FARS2: variants seen among roughly 807,000 people sequenced by gnomAD.
FARS2 encodes the protein phenylalanyl-tRNA synthetase 2, mitochondrial.
FARS2 carries 40 observed loss-of-function variants against 46.4 expected under a neutral mutation model. The observed-to-expected ratio is 0.86, with a 90% confidence interval of 0.67 to 1.12. The LOEUF is 1.12. FARS2 is among the 50% of genes most tolerant of loss of function. The pLI is 0.00. For missense variants in FARS2, 513 were observed against 567.9 expected (o/e 0.90, Z 0.98); for synonymous variants, 234 against 214.9 (o/e 1.09, Z -0.78).
intron 6 of FARS2, among the ~76,000 whole-genome samples, chr6:5,737,347 A>T (rs1761018175): frequency 6.6e-6 from 1 of 152,220 alleles, no homozygotes; most frequent in Non-Finnish European, 1.5e-5. Context: ...CCTGGCCAAC[A>T]TAGTGAAACC....
chr6:5,554,078 AT>A (rs1375132182), intron 5 of FARS2, among the ~76,000 whole-genome samples: 16 of 151,774 alleles, frequency 1.1e-4, no homozygotes, highest in African/African-American at 1.2e-4. Flanking sequence ...TTTGCCCTAA[AT>A]TTTTTTTCCA....
intron 1 of FARS2, among the ~76,000 whole-genome samples, chr6:5,297,860 A>C (rs1168159234): frequency 1.3e-5 from 2 of 152,200 alleles, no homozygotes; most frequent in Non-Finnish European, 2.9e-5. Context: ...TTGCCTTTAA[A>C]TAATTTAAAG....
chr6:5,266,935 C>T (rs73365004), intron 1 of FARS2, among the ~76,000 whole-genome samples: 52 of 152,136 alleles, frequency 3.4e-4, no homozygotes, highest in African/African-American at 1.2e-3. Context: ...TTGGGGGATT[C>T]TCTGAGACTC....
At chr6:5,510,953 C>T (rs539404393) in intron 4 of FARS2, among the ~76,000 whole-genome samples, 2 of 152,190 alleles carry the variant, frequency 1.3e-5, no homozygotes, top group Non-Finnish European at 2.9e-5. Context: ...GAGATCTCCT[C>T]CTCTCCCTCC....
At chr6:5,437,125 A>AT (rs1763570084) in intron 4 of FARS2, among the ~76,000 whole-genome samples, 1 of 151,998 alleles carries the variant, frequency 6.6e-6, no homozygotes, top group South Asian at 2.1e-4. Flanking sequence ...ATTAGTTTGG[A>AT]TTTTCTACTA....
chr6:5,355,686 C>A (rs1244740409), intron 1 of FARS2, among the ~76,000 whole-genome samples: 1 of 151,906 alleles, frequency 6.6e-6, no homozygotes, highest in Non-Finnish European at 1.5e-5. Flanking sequence ...GTTTTCTGAG[C>A]AGTGGTCATA....
chr6:5,685,642 T>C (rs532450329), intron 6 of FARS2, among the ~76,000 whole-genome samples: 2 of 152,254 alleles, frequency 1.3e-5, no homozygotes, highest in African/African-American at 4.8e-5. Flanking sequence ...AAATTCTACC[T>C]GGAGTAGATA....
chr6:5,640,222 A>C (rs1463713737), intron 6 of FARS2, among the ~76,000 whole-genome samples: 1 of 152,098 alleles, frequency 6.6e-6, no homozygotes, highest in Non-Finnish European at 1.5e-5. Flanking sequence ...GTACTTGCAC[A>C]TGCCATTGAG....
chr6:5,253,130 A>G, the FARS2 span, among the ~76,000 whole-genome samples: 2 of 152,242 alleles, frequency 1.3e-5, no homozygotes, highest in Admixed American at 6.5e-5. Flanking sequence ...TGCTTAGTGT[A>G]TAACACATTA....
chr6:5,298,973 ATTTTG>A (rs1768092707), intron 1 of FARS2, among the ~76,000 whole-genome samples: 2 of 151,186 alleles, frequency 1.3e-5, no homozygotes, highest in Non-Finnish European at 2.9e-5. Flanking sequence ...AATTTCTTCT[ATTTTG>A]TTAATTTGTG....
intron 5 of FARS2, among the ~76,000 whole-genome samples, chr6:5,570,422 C>A (rs1411555958): frequency 1.3e-5 from 2 of 152,206 alleles, no homozygotes; most frequent in African/African-American, 2.4e-5. Flanking sequence ...CTCTTTATTT[C>A]ACTCTTCTGG....
intron 1 of FARS2, among the ~76,000 whole-genome samples, chr6:5,356,903 A>G (rs1332722983): frequency 6.6e-6 from 1 of 151,724 alleles, no homozygotes; most frequent in Non-Finnish European, 1.5e-5. Flanking sequence ...AATCCTTACA[A>G]CAGACCTACA....
At chr6:5,312,649 G>A (rs1212278546) in intron 1 of FARS2, among the ~76,000 whole-genome samples, 2 of 152,160 alleles carry the variant, frequency 1.3e-5, no homozygotes, top group African/African-American at 2.4e-5. Flanking sequence ...TCTGTTCTGG[G>A]CTCTTGTTCC....
intron 2 of FARS2, among the ~76,000 whole-genome samples, chr6:5,392,917 TATATATAC>T (rs70974199): frequency 0.24 from 23,211 of 95,582 alleles, 2,659 homozygotes; most frequent in East Asian, 0.51. Context: ...TATATATATG[TATATATAC>T]ATATATGTGT....
At chr6:5,307,801 G>A (rs553184734) in intron 1 of FARS2, among the ~76,000 whole-genome samples, 3 of 152,218 alleles carry the variant, frequency 2.0e-5, no homozygotes, top group South Asian at 2.1e-4. Flanking sequence ...CCAGCATCTC[G>A]GTGGGGCACA....
intron 1 of FARS2, among the ~76,000 whole-genome samples, chr6:5,324,857 G>C (rs1422695596): frequency 6.6e-6 from 1 of 151,954 alleles, no homozygotes. Flanking sequence ...TCACATGGCT[G>C]TCCACCAAGA....
At chr6:5,284,248 T>C (rs929040767) in intron 1 of FARS2, among the ~76,000 whole-genome samples, 5 of 152,322 alleles carry the variant, frequency 3.3e-5, no homozygotes, top group African/African-American at 7.2e-5. Flanking sequence ...GTTGGACTTA[T>C]ATGGAGTGCT....
At chr6:5,449,576 T>C (rs1457553137) in intron 4 of FARS2, among the ~76,000 whole-genome samples, 4 of 152,220 alleles carry the variant, frequency 2.6e-5, no homozygotes, top group Non-Finnish European at 2.9e-5. Context: ...ATTTGACTTA[T>C]TCATTCATTG....
intron 6 of FARS2, among the ~76,000 whole-genome samples, chr6:5,693,114 T>A (rs961725671): frequency 2.0e-5 from 3 of 152,226 alleles, no homozygotes; most frequent in Non-Finnish European, 2.9e-5. Context: ...CATAGTAACA[T>A]CCTGTTAGTT....
Sources: gnomAD v4.1 joint callset for allele counts (sites outside exome capture counted in the v4.1 genomes callset) on GRCh38, gnomAD v4.1.1 for gene constraint, MANE v1.5 for transcripts, NCBI Gene and HGNC (gene_info 2026-07-23, HGNC 2026-07-21) for gene names.